FGD4: variants seen among roughly 807,000 people sequenced by gnomAD.
FGD4 encodes the protein FYVE, RhoGEF and PH domain-containing protein 4.
A neutral mutation model predicts 102.0 loss-of-function variants in FGD4; 42 were observed. The observed-to-expected ratio is 0.41, with a 90% CI of 0.32 to 0.53. The LOEUF (loss-of-function observed/expected upper bound fraction) is 0.53. Among genes scored for constraint, FGD4 ranks in the 20% least tolerant of loss-of-function variants. FGD4 has a pLI of 0.21. For synonymous variants in FGD4, 380 were observed against 375.7 expected (o/e 1.01, Z -0.13); for missense variants, 902 against 1,078.2 (o/e 0.84, Z 2.29).
intron 10 of FGD4, among the ~76,000 whole-genome samples, chr12:32,618,044 G>A (rs1348475856): frequency 2.0e-5 from 3 of 152,304 alleles, no homozygotes; most frequent in East Asian, 3.9e-4. Context: ...TGAAAGGGAA[G>A]GAGAAACATA....
intron 14 of FGD4, 51 bp downstream of exon 14, chr12:32,625,830 G>A (rs1950130979): frequency 1.9e-6 from 3 of 1,610,220 alleles, no homozygotes; most frequent in African/African-American, 1.3e-5. Flanking sequence ...TATAAGTGAT[G>A]TAAAGTCATC....
chr12:32,534,421 G>C (rs1450245603), intron 1 of FGD4: 5 of 1,520,934 alleles, frequency 3.3e-6, no homozygotes, highest in Non-Finnish European at 2.6e-6. Flanking sequence ...AACTTTAAAA[G>C]AGTAAAGCCA....
intron 7 of FGD4, 27 bp downstream of exon 7, chr12:32,602,344 A>G (rs1419878728): frequency 5.6e-6 from 9 of 1,612,546 alleles, no homozygotes; most frequent in Non-Finnish European, 6.8e-6. Context: ...GTTCAAAGCT[A>G]TGAATTACTA....
In FGD4 at chr12:32,495,695, C is replaced by CAAAAAAAAAAAA. The variant is rs766436638; in HGVS notation, c.167-68436_167-68425dup. Among the ~76,000 whole-genome samples the CAAAAAAAAAAAA allele has an allele frequency of 2.7e-3, 208 of 75,980 alleles. 5 individuals are homozygous for CAAAAAAAAAAAA. Among genetic ancestry groups the CAAAAAAAAAAAA allele is most frequent in the Middle Eastern group, 7.8e-3 (1 of 128 alleles). The allele number at this position is 75,980 out of a possible 152,430, so 49.8% of individuals were successfully genotyped here. ...TGGGCCACAGAGAGAGACTCTGTTT[C>CAAAAAAAAAAAA]AAAAAAAAAAAAAAAAAGAAGCTTT... On this transcript the variant is annotated intron_variant, in intron 1 of 16. Coordinates refer to ENST00000534526, the MANE Select transcript of FGD4 (RefSeq NM_001370298.3).
At chr12:32,503,639 A>G (rs551227867) in intron 1 of FGD4, among the ~76,000 whole-genome samples, 35 of 152,290 alleles carry the variant, frequency 2.3e-4, no homozygotes, top group African/African-American at 7.9e-4. Flanking sequence ...AAGGTACAAA[A>G]TTAGTTTAGC....
chr12:32,540,117 G>C (rs1351081640), intron 1 of FGD4, among the ~76,000 whole-genome samples: 3 of 152,122 alleles, frequency 2.0e-5, no homozygotes, highest in East Asian at 1.9e-4. Flanking sequence ...ATGGTAACAA[G>C]TCATGCTTAG....
In FGD4 at chr12:32,616,833, A is replaced by G. The variant is rs1170403005; in HGVS notation, c.1750-2865A>G. On this transcript the variant is annotated intron_variant, in intron 10 of 16. Coordinates refer to ENST00000534526, the MANE Select transcript of FGD4 (RefSeq NM_001370298.3). ...TTAATGTAAGCCATTTCATGTTGCTATCACAGAACACCTGAGACTGGCTAA... is the reference window on the plus strand; with the variant it reads ...TTAATGTAAGCCATTTCATGTTGCTGTCACAGAACACCTGAGACTGGCTAA... Among the ~76,000 whole-genome samples, 5 of 152,332 alleles carry G rather than the reference A, an allele frequency of 3.3e-5. No homozygotes were observed. In the East Asian group the frequency reaches 5.8e-4, roughly 18 times the overall value.
At chr12:32,606,520 CT>C (rs752632346) in intron 7 of FGD4, among the ~76,000 whole-genome samples, 283 of 149,754 alleles carry the variant, frequency 1.9e-3, no homozygotes, top group South Asian at 2.5e-3. Flanking sequence ...ATACTTCATG[CT>C]TCATTACTGT....
chr12:32,563,973 C>T (rs1375302315), intron 1 of FGD4, among the ~76,000 whole-genome samples, 164 bp from the exon 2 acceptor site: 2 of 131,010 alleles, frequency 1.5e-5, no homozygotes, highest in Non-Finnish European at 3.1e-5. Flanking sequence ...TTCGGCTCGG[C>T]ATCAGAGGGA....
At position 32,490,421 on chromosome 12, in the gene FGD4, T is replaced by C. The variant is rs775215504; in HGVS notation, c.167-73716T>C. Among the ~76,000 whole-genome samples the C allele has an allele frequency of 7.6e-4, 104 of 136,836 alleles. 1 individual carries two copies. Among genetic ancestry groups the C allele is most frequent in the Non-Finnish European group, 1.3e-3 (85 of 63,686 alleles). 89.8% of individuals were successfully genotyped at this position (136,836 alleles called of 152,430 possible). A position where few individuals can be genotyped will look rare whatever the true frequency, so the allele number is the denominator to read the frequency against. On this transcript the variant is annotated intron_variant, in intron 1 of 16. Coordinates refer to ENST00000534526, the MANE Select transcript of FGD4 (RefSeq NM_001370298.3). The stretch of plus-strand genomic sequence containing the variant: ...AGTCTTTTTTTTTTTTTTTTTGAGA[T>C]AGTCTTGCTCTGTTACCCAGACTGG...
rs911319297 is a variant in FGD4 at position 32,642,768 on chromosome 12, C to A, written c.*2235C>A. 6.6e-6 allele frequency: 1 copy of A among 152,184 alleles called. No individual in the cohort carries two copies. Among genetic ancestry groups the A allele is most frequent in the East Asian group, 1.9e-4 (1 of 5,196 alleles). 9.4% of individuals were successfully genotyped at this position (152,184 alleles called of 1,614,324 possible). On this transcript the variant is annotated 3_prime_UTR_variant, in exon 17 of 17. Coordinates refer to ENST00000534526, the MANE Select transcript of FGD4 (RefSeq NM_001370298.3). The stretch of plus-strand genomic sequence containing the variant: ...CCACCCCACATTCTTCAGCTAAACG[C>A]AAAGAGAAGCAGTGAAACAGCCTTA...
chr12:32,585,610 G>C (rs1239548946), intron 4 of FGD4, among the ~76,000 whole-genome samples: 2 of 151,930 alleles, frequency 1.3e-5, no homozygotes, highest in Non-Finnish European at 2.9e-5. Context: ...CTACGGCAGA[G>C]GATCTCTCGA....
chr12:32,598,533 G>A lies in FGD4; in HGVS notation c.1048G>A (p.Glu350Lys), dbSNP rs1948089627. ...GCAAAAACTTCACAAAATAGCCAAT[G>A]AACTTTTGCTTACTGAAAGAGCTTA... The part of the protein sequence containing the change: ...NEQKLHKIAN[E>K]LLLTERAYVN... Residue 350 changes from glutamate to lysine, a missense_variant, in exon 5 of 17, where the codon GAA becomes AAA. Glu to Lys is a moderately conservative substitution (Grantham distance 56, BLOSUM62 1). Around this residue, in one of 2 missense-constraint regions of FGD4, gnomAD observed 443 missense variants for 459.2 expected, o/e 0.96. Coordinates refer to ENST00000534526, the MANE Select transcript of FGD4 (RefSeq NM_001370298.3). 6.2e-7 allele frequency: 1 copy of A among 1,613,576 alleles called. No individual in the cohort carries two copies. The highest frequency in any genetic ancestry group is 1.7e-5 in the Admixed American group (1 of 59,984).
chr12:32,452,959 G>T (rs1448368843), intron 1 of FGD4, among the ~76,000 whole-genome samples: 1 of 151,732 alleles, frequency 6.6e-6, no homozygotes, highest in African/African-American at 2.4e-5. Context: ...CTGCACTCCA[G>T]CCTGGGCAAC....
rs1942844698 is a variant in FGD4, at chr12:32,453,212, ATATATATAATATAGATATATATATAT to A, written c.166+53255_166+53280del. 2.9e-3 allele frequency among the ~76,000 whole-genome samples: 163 copies of A among 55,602 alleles called. 2 individuals carry two copies. Among genetic ancestry groups the A allele is most frequent in the Non-Finnish European group, 5.4e-3 (119 of 21,874 alleles). The allele number at this position is 55,602 out of a possible 152,430, so 36.5% of individuals were successfully genotyped here. ...TTTTATATATATATTATATATATAT[ATATATATAATATAGATATATATATAT>A]TTTTTTTTTTTTAAATGTAGAGCCT... On this transcript the variant is annotated intron_variant, in intron 1 of 16. Coordinates refer to ENST00000534526, the MANE Select transcript of FGD4 (RefSeq NM_001370298.3).
rs1261222765 is a variant in FGD4 at position 32,640,506 on chromosome 12, T to C, written c.2685T>C (p.Pro895=). The change falls in exon 17 of 17, where the codon CCT becomes CCC. Residue 895 remains proline (P), a synonymous_variant. Transcript: ENST00000534526. ...ATCCAGCCACCTTGGATGATCATCC[T>C]GAACCTAAGAAAAAATCAGAATGCT... ...NEHPATLDDH[P]EPKKKSEC is the part of the protein sequence containing the mutation. 3.7e-6 allele frequency: 6 copies of C among 1,613,994 alleles called. No homozygotes were observed. The highest frequency in any genetic ancestry group is 1.3e-5 in the African/African-American group (1 of 74,924).
intron 1 of FGD4, among the ~76,000 whole-genome samples, chr12:32,552,705 T>C (rs1380922362): frequency 6.6e-6 from 1 of 151,958 alleles, no homozygotes; most frequent in African/African-American, 2.4e-5. Flanking sequence ...AAGTTCAGTC[T>C]CTACCTAAGA....
At position 32,544,542 on chromosome 12, in the gene FGD4, G is replaced by C. The variant is rs994571979; in HGVS notation, c.167-19595G>C. Among the ~76,000 whole-genome samples, 1 of 151,670 alleles carries C rather than the reference G, an allele frequency of 6.6e-6. No individual in the cohort carries two copies. Among genetic ancestry groups the C allele is most frequent in the African/African-American group, 2.4e-5 (1 of 41,248 alleles). ...AACTCAGTCGTTTGAGACCAGCCTG[G>C]TCAGTATGGTGAAATCCCGTCTCTA... On this transcript the variant is annotated intron_variant, in intron 1 of 16. Transcript: ENST00000534526. The surrounding 1 kb of genome is among the most constrained non-coding windows in gnomAD (Gnocchi z 4.1).
At chr12:32,551,342 A>G (rs934808222) in intron 1 of FGD4, among the ~76,000 whole-genome samples, 1 of 152,236 alleles carries the variant, frequency 6.6e-6, no homozygotes. Flanking sequence ...TCAAATAGTT[A>G]TAACTATTTT....
Sources: allele counts gnomAD v4.1 joint callset (sites outside exome capture counted in the v4.1 genomes callset), GRCh38; gene constraint gnomAD v4.1.1; regional missense constraint gnomAD v4.1.1; non-coding constraint Gnocchi (gnomAD v3.1); transcripts MANE v1.5; gene names NCBI Gene and HGNC (gene_info 2026-07-23, HGNC 2026-07-21).